KDM6A: variants seen among roughly 807,000 people sequenced by gnomAD.
The protein encoded by KDM6A is lysine-specific demethylase 6A.
A neutral mutation model predicts 117.6 loss-of-function variants in KDM6A; 11 were observed. That is an observed-to-expected ratio of 0.09 (90% CI 0.06 to 0.15). The LOEUF (loss-of-function observed/expected upper bound fraction) is 0.15. Among genes scored for constraint, KDM6A ranks in the 10% least tolerant of loss-of-function variants. The pLI is 1.00. For synonymous variants in KDM6A, 384 were observed against 396.1 expected (o/e 0.97, Z 0.36); for missense variants, 799 against 1,077.3 (o/e 0.74, Z 3.62).
chrX:45,019,966 C>T (rs1046693408), intron 5 of KDM6A, among the ~76,000 whole-genome samples: 6 of 110,184 alleles, frequency 5.4e-5, no homozygotes, highest in African/African-American at 1.7e-4. Flanking sequence ...CGAAGAAAAG[C>T]GGAATGGAAT....
chrX:45,071,877 C>T (rs781724882), intron 18 of KDM6A, among the ~76,000 whole-genome samples: 6 of 111,073 alleles, frequency 5.4e-5, no homozygotes, highest in Non-Finnish European at 7.5e-5. Context: ...TCAAGCGATT[C>T]TCCTGCCTCA....
chrX:44,992,028 A>G (rs1236305248), intron 4 of KDM6A, among the ~76,000 whole-genome samples: 1 of 109,894 alleles, frequency 9.1e-6, no homozygotes, highest in Non-Finnish European at 1.9e-5. Context: ...GCTTATAAAA[A>G]AATATTTTCC....
At chrX:45,109,132 T>C (rs1224336588) in intron 28 of KDM6A, among the ~76,000 whole-genome samples, 3 of 90,520 alleles carry the variant, frequency 3.3e-5, no homozygotes, top group Non-Finnish European at 6.7e-5. Flanking sequence ...AAAAAAATAA[T>C]AATAATAATA....
At chrX:44,924,301 C>T (rs558734912) in intron 2 of KDM6A, among the ~76,000 whole-genome samples, 3 of 111,904 alleles carry the variant, frequency 2.7e-5, no homozygotes, top group South Asian at 3.7e-4. Context: ...TTCGCATCTA[C>T]GTTCAATATT....
intron 2 of KDM6A, among the ~76,000 whole-genome samples, chrX:44,923,373 A>T (rs2036091293): frequency 9.4e-6 from 1 of 106,679 alleles, no homozygotes; most frequent in African/African-American, 3.4e-5. Flanking sequence ...CCCCATTCTA[A>T]TTATATGTTT....
chrX:45,051,547 A>C (rs1352118485), intron 8 of KDM6A, among the ~76,000 whole-genome samples, 162 bp from the exon 9 acceptor site: 1 of 111,901 alleles, frequency 8.9e-6, no homozygotes, highest in African/African-American at 3.2e-5. Context: ...TTATTACTCA[A>C]CTGTCTGATG....
chrX:45,032,383 T>C (rs2042634032), intron 6 of KDM6A, among the ~76,000 whole-genome samples: 1 of 111,857 alleles, frequency 8.9e-6, no homozygotes, highest in Non-Finnish European at 1.9e-5. Flanking sequence ...TTTGTGGTCA[T>C]GTTATCCCTA....
chrX:45,106,812 G>A, intron 27 of KDM6A: 1 of 240,141 alleles, frequency 4.2e-6, no homozygotes, highest in Non-Finnish European at 7.8e-6. Flanking sequence ...GGATTCCACT[G>A]TTACCTTCAA....
At chrX:45,108,143 G>A (rs1028776746) in intron 28 of KDM6A, among the ~76,000 whole-genome samples, 10 of 111,588 alleles carry the variant, frequency 9.0e-5, no homozygotes, top group African/African-American at 1.3e-4. Context: ...ACTCACAAAC[G>A]TATTAGCATT....
At chrX:45,099,311 G>A (rs1353405189) in intron 27 of KDM6A, among the ~76,000 whole-genome samples, 4 of 102,687 alleles carry the variant, frequency 3.9e-5, no homozygotes, top group Non-Finnish European at 7.9e-5. Context: ...TTTTTTTTAA[G>A]CACTTGCCTC....
At chrX:45,044,169 G>A (rs1207387234) in intron 8 of KDM6A, among the ~76,000 whole-genome samples, 1 of 112,067 alleles carries the variant, frequency 8.9e-6, no homozygotes, top group Non-Finnish European at 1.9e-5. Context: ...AGTGACACAT[G>A]ACTGTATAAT....
chrX:45,051,768 T>G lies in KDM6A; in HGVS notation c.714T>G (p.Ser238=). ...YEQLLQTENL[S]AQVKATVLQQ... is the part of the protein sequence containing the mutation. ...AACTTTTGCAGACAGAGAATCTTTCTGCACAAGTAAAAGCAACTGTCTTAC... is the reference window on the plus strand; with the variant it reads ...AACTTTTGCAGACAGAGAATCTTTCGGCACAAGTAAAAGCAACTGTCTTAC... Residue 238 remains serine (S), a synonymous_variant, in exon 9 of 30, where the codon TCT becomes TCG. Coordinates refer to ENST00000611820, the MANE Select transcript of KDM6A (RefSeq NM_001291415.2). The G allele has an allele frequency of 8.4e-7, 1 of 1,184,863 alleles. No individual in the cohort carries two copies. Among genetic ancestry groups the G allele is most frequent in the Non-Finnish European group, 1.1e-6 (1 of 872,281 alleles).
At chrX:44,944,761 C>T (rs1055443453) in intron 2 of KDM6A, among the ~76,000 whole-genome samples, 1 of 112,135 alleles carries the variant, frequency 8.9e-6, no homozygotes, top group African/African-American at 3.2e-5. Context: ...TGTATGCTGA[C>T]TTTGTAGCAT....
intron 4 of KDM6A, among the ~76,000 whole-genome samples, chrX:45,004,652 G>A (rs967201351): frequency 9.0e-6 from 1 of 110,778 alleles, no homozygotes; most frequent in African/African-American, 3.3e-5. Context: ...GAAAGATTTC[G>A]GGTTCGGGGT....
intron 27 of KDM6A, among the ~76,000 whole-genome samples, chrX:45,094,260 A>G (rs992832302): frequency 4.5e-5 from 5 of 111,994 alleles, no homozygotes; most frequent in Non-Finnish European, 7.5e-5. Context: ...GTTAGTGCAT[A>G]TAAATAAAAT....
chrX:45,050,741 G>A (rs1197380924), intron 8 of KDM6A, among the ~76,000 whole-genome samples: 1 of 110,371 alleles, frequency 9.1e-6, no homozygotes, highest in African/African-American at 3.3e-5. Flanking sequence ...GTTGTCTTAA[G>A]GTTTGTAACC....
intron 6 of KDM6A, among the ~76,000 whole-genome samples, chrX:45,030,180 A>C (rs1467290846): frequency 9.1e-6 from 1 of 109,602 alleles, no homozygotes; most frequent in Non-Finnish European, 1.9e-5. Context: ...ATTGATTTGG[A>C]GGTACCTGAG....
At chrX:45,019,465 G>T (rs147589023) in intron 5 of KDM6A, among the ~76,000 whole-genome samples, 1,623 of 111,633 alleles carry the variant, frequency 0.015, 12 homozygotes, top group African/African-American at 0.049. Flanking sequence ...CACTTTTTTG[G>T]GAAGTAAATA....
At chrX:45,064,979 A>G (rs2044465740) in intron 17 of KDM6A, among the ~76,000 whole-genome samples, 1 of 111,932 alleles carries the variant, frequency 8.9e-6, no homozygotes, top group South Asian at 3.7e-4. Context: ...AGGTAAATAG[A>G]TAGTAAACAA....
Sources: gnomAD v4.1 joint callset for allele counts (sites outside exome capture counted in the v4.1 genomes callset) on GRCh38, gnomAD v4.1.1 for gene constraint, MANE v1.5 for transcripts, NCBI Gene and HGNC (gene_info 2026-07-23, HGNC 2026-07-21) for gene names.